The following ZFPM1 variants were observed in gnomAD, a reference collection of about 807,000 sequenced individuals.
The protein encoded by ZFPM1 is zinc finger protein, FOG family member 1, also known as zinc finger protein ZFPM1.
In ZFPM1, 28 loss-of-function variants were observed where a neutral mutation model predicts 46.3. The observed-to-expected ratio is 0.60, with a 90% CI of 0.45 to 0.83. The LOEUF (loss-of-function observed/expected upper bound fraction) is 0.83. Ranked by LOEUF, ZFPM1 falls within the 40% of genes least tolerant of loss-of-function variation. ZFPM1 has a pLI of 0.00. For missense variants in ZFPM1, 1,878 were observed against 1,432.4 expected, an observed-to-expected ratio of 1.31 and a Z score of -5.02; for synonymous variants, 957 against 675.9, an observed-to-expected ratio of 1.42 and a Z score of -6.45.
chr16:88,458,721 C>T (rs929533592), intron 1 of ZFPM1, among the ~76,000 whole-genome samples: 3 of 152,190 alleles, frequency 2.0e-5, no homozygotes, highest in African/African-American at 4.8e-5. Flanking sequence ...CCACCATACC[C>T]GTGGGTATTC....
intron 6 of ZFPM1, among the ~76,000 whole-genome samples, chr16:88,531,439 G>C (rs893035824): frequency 6.6e-6 from 1 of 152,144 alleles, no homozygotes; most frequent in Non-Finnish European, 1.5e-5. Context: ...ACATGGAGCC[G>C]CCCAGGTGTG....
intron 3 of ZFPM1, among the ~76,000 whole-genome samples, chr16:88,504,180 C>T (rs1248457917): frequency 1.3e-5 from 2 of 152,060 alleles, no homozygotes; most frequent in African/African-American, 4.8e-5. Flanking sequence ...AAGAAAGGGC[C>T]CTCAGCGGCA....
At chr16:88,495,616 C>T (rs1175381838) in intron 3 of ZFPM1, among the ~76,000 whole-genome samples, 1 of 152,212 alleles carries the variant, frequency 6.6e-6, no homozygotes, top group Non-Finnish European at 1.5e-5. Flanking sequence ...AGACCTGACG[C>T]TAAGGGCAGG....
chr16:88,460,213 G>A (rs1053508828), intron 1 of ZFPM1, among the ~76,000 whole-genome samples: 1 of 152,184 alleles, frequency 6.6e-6, no homozygotes, highest in Non-Finnish European at 1.5e-5. Flanking sequence ...AGCCAGAGGG[G>A]TTTTGGGTCC....
At chr16:88,495,891 T>G (rs1909904911) in intron 3 of ZFPM1, among the ~76,000 whole-genome samples, 2 of 151,994 alleles carry the variant, frequency 1.3e-5, no homozygotes, top group Admixed American at 1.3e-4. Context: ...GAGGGGGGCA[T>G]GCTAAGGCAA....
chr16:88,509,800 C>T (rs1025486735), intron 3 of ZFPM1, among the ~76,000 whole-genome samples: 1 of 152,200 alleles, frequency 6.6e-6, no homozygotes, highest in Non-Finnish European at 1.5e-5. Context: ...TGCTATGTGA[C>T]CCCCAGCTGC....
At chr16:88,478,188 C>G (rs902852207) in intron 1 of ZFPM1, among the ~76,000 whole-genome samples, 21 of 152,180 alleles carry the variant, frequency 1.4e-4, no homozygotes, top group Non-Finnish European at 2.9e-4. Flanking sequence ...GTGGTGGGCT[C>G]AGGCCACGTC....
intron 4 of ZFPM1, among the ~76,000 whole-genome samples, chr16:88,519,040 G>GCATGGATA (rs1911578414): frequency 1.6e-4 from 22 of 134,038 alleles, no homozygotes; most frequent in Admixed American, 3.1e-4. Context: ...ATGGATGGGT[G>GCATGGATA]GATGGATAGA....
At chr16:88,516,602 G>A (rs1018578857) in intron 4 of ZFPM1, 18 of 398,542 alleles carry the variant, frequency 4.5e-5, no homozygotes, top group East Asian at 2.1e-4. Context: ...CAGACACACC[G>A]TACAAGATGA....
chr16:88,527,428 G>A (rs1464385175), intron 5 of ZFPM1, among the ~76,000 whole-genome samples: 2 of 152,298 alleles, frequency 1.3e-5, no homozygotes, highest in East Asian at 1.9e-4. Flanking sequence ...AGCACCCGGG[G>A]ATGAAGCGGG....
At chr16:88,517,480 A>G (rs752574576) in intron 4 of ZFPM1, among the ~76,000 whole-genome samples, 45 of 76,326 alleles carry the variant, frequency 5.9e-4, no homozygotes, top group Non-Finnish European at 7.2e-4. Context: ...GGCTGGGTGG[A>G]TGGATGGATG....
chr16:88,456,329 T>C (rs1208436921), intron 1 of ZFPM1, among the ~76,000 whole-genome samples: 1 of 151,960 alleles, frequency 6.6e-6, no homozygotes, highest in Non-Finnish European at 1.5e-5. Context: ...GTTTTCCCCT[T>C]GAATCATGCT....
chr16:88,464,395 A>T (rs1355861093), intron 1 of ZFPM1, among the ~76,000 whole-genome samples: 2 of 152,202 alleles, frequency 1.3e-5, no homozygotes, highest in African/African-American at 4.8e-5. Context: ...AGGCAGGAGG[A>T]CGGGGTGTTT....
In ZFPM1 at chr16:88,486,001, C is replaced by G; in HGVS notation, c.103C>G (p.Gln35Glu). Residue 35 changes from glutamine to glutamate, a missense_variant, in exon 2 of 10, where the codon CAA (glutamine) becomes GAA (glutamate). Transcript: ENST00000319555. ...VQLVGASHME[Q>E]KATAPEAPSP... is the part of the protein sequence containing the mutation. ...GTTGGTGGGTGCCAGCCACATGGAGCAAAAGGCCACGGCACCTGAAGCCCC... is the reference window on the plus strand; with the variant it reads ...GTTGGTGGGTGCCAGCCACATGGAGGAAAAGGCCACGGCACCTGAAGCCCC... The G allele has an allele frequency of 1.9e-6, 3 of 1,612,908 alleles. No individual in the cohort carries two copies. Among genetic ancestry groups the G allele is most frequent in the Non-Finnish European group, 1.7e-6 (2 of 1,179,954 alleles).
Position 88,534,335 on chromosome 16 carries a change from G to C in ZFPM1, c.2377G>C (p.Gly793Arg), listed in dbSNP as rs751533848. ...GCGCTCGCCCGGCCCCGCGGCCGACGGCCCCATCGACCTGAGCAAGAAGCC... is the reference window on the plus strand; with the variant it reads ...GCGCTCGCCCGGCCCCGCGGCCGACCGCCCCATCGACCTGAGCAAGAAGCC... ...PARSPGPAADGPIDLSKKPRR... is the reference protein window; with the variant it reads ...PARSPGPAADRPIDLSKKPRR... The change falls in exon 10 of 10, where the codon GGC (glycine) becomes CGC (arginine). Residue 793 changes from glycine to arginine, a missense_variant. Gly to Arg is a moderately radical substitution (Grantham distance 125, BLOSUM62 -2). Coordinates refer to ENST00000319555, the MANE Select transcript of ZFPM1 (RefSeq NM_153813.3). The C allele has an allele frequency of 4.9e-5, 67 of 1,365,676 alleles. No homozygotes were observed. The African/African-American group carries it at 6.4e-4, about 13-fold the overall frequency. 84.6% of individuals were successfully genotyped at this position (1,365,676 alleles called of 1,614,324 possible). A position where few individuals can be genotyped will look rare whatever the true frequency, so the allele number is the denominator to read the frequency against.
At chr16:88,455,836 T>C (rs1182778957) in intron 1 of ZFPM1, among the ~76,000 whole-genome samples, 1 of 152,030 alleles carries the variant, frequency 6.6e-6, no homozygotes, top group East Asian at 1.9e-4. Flanking sequence ...GCGGAGGCGA[T>C]AGGCCGGGCT....
intron 3 of ZFPM1, chr16:88,513,303 C>T (rs1280430084): frequency 1.3e-5 from 2 of 152,268 alleles, no homozygotes; most frequent in East Asian, 3.8e-4. Flanking sequence ...TCTTATCTGC[C>T]CTGGGGAAGA....
At chr16:88,495,755 G>A (rs1209165125) in intron 3 of ZFPM1, among the ~76,000 whole-genome samples, 1 of 152,326 alleles carries the variant, frequency 6.6e-6, no homozygotes, top group African/African-American at 2.4e-5. Context: ...CCGGATGGAA[G>A]GTGAGTGGCC....
intron 4 of ZFPM1, 102 bp downstream of exon 4, chr16:88,514,622 C>T: frequency 7.2e-7 from 1 of 1,380,314 alleles, no homozygotes. Flanking sequence ...GGGCTCTGGC[C>T]ACTTGAAGAT....
Sources: gnomAD v4.1 joint callset for allele counts (sites outside exome capture counted in the v4.1 genomes callset) on GRCh38, gnomAD v4.1.1 for gene constraint, MANE v1.5 for transcripts, NCBI Gene and HGNC (gene_info 2026-07-23, HGNC 2026-07-21) for gene names.